The following CHAF1A variants were observed in gnomAD, a reference collection of about 807,000 sequenced individuals.
The protein encoded by CHAF1A is CAF-1 subunit A.
A neutral mutation model predicts 93.2 loss-of-function variants in CHAF1A; 5 were observed. The observed-to-expected ratio is 0.05, with a 90% CI of 0.03 to 0.11. CHAF1A has a LOEUF of 0.11. Among genes scored for constraint, CHAF1A ranks in the 10% least tolerant of loss-of-function variants. CHAF1A has a pLI of 1.00. For synonymous variants in CHAF1A, 504 were observed against 510.3 expected (o/e 0.99, Z 0.17); for missense variants, 1,102 against 1,259.9 (o/e 0.87, Z 1.90).
Position 4,408,034 on chromosome 19 carries a change from G to A in CHAF1A, c.104-869G>A, listed in dbSNP as rs536210835. 1.2e-4 allele frequency among the ~76,000 whole-genome samples: 18 copies of A among 149,732 alleles called. No individual in the cohort carries two copies. The South Asian group carries it at 3.4e-3, about 28-fold the overall frequency. ...CCCACCCCCTCTTTTTTTTTGAGAC[G>A]AGGTCCCTTTTGCCCAGGCTGCAGA... On this transcript the variant is annotated intron_variant, in intron 2 of 14. Transcript: ENST00000301280.
intron 4 of CHAF1A, among the ~76,000 whole-genome samples, chr19:4,419,449 A>G (rs575670839): frequency 6.8e-6 from 1 of 147,740 alleles, no homozygotes; most frequent in Non-Finnish European, 1.5e-5. Context: ...TTTTTTTTTT[A>G]TTGAGACACA....
intron 1 of CHAF1A, 38 bp downstream of exon 1, chr19:4,402,852 G>GGC (rs527630205): frequency 0.02 from 23,775 of 1,172,260 alleles, 299 homozygotes; most frequent in Non-Finnish European, 0.022. Flanking sequence ...GGGGGGGCGC[G>GGC]GCGCGCGGCC....
intron 13 of CHAF1A, among the ~76,000 whole-genome samples, chr19:4,439,352 G>A (rs1208687000): frequency 6.6e-6 from 1 of 152,096 alleles, no homozygotes; most frequent in Non-Finnish European, 1.5e-5. Flanking sequence ...GTCGTTAAAC[G>A]TTTTCCTGAC....
At position 4,433,163 on chromosome 19, in the gene CHAF1A, T is replaced by A. The variant is rs1974218395; in HGVS notation, c.2297T>A (p.Leu766His). 6.2e-7 allele frequency: 1 copy of A among 1,613,742 alleles called. No individual in the cohort carries two copies. Among genetic ancestry groups the A allele is most frequent in the Non-Finnish European group, 8.5e-7 (1 of 1,179,782 alleles). Reference protein sequence around the residue: ...EFQEHCRRGLLSNHTGSPRSP... With the variant: ...EFQEHCRRGLHSNHTGSPRSP... ...CAGGAGCACTGCCGCCGGGGACTGC[T>A]CAGCAACCACACCGGCAGCCCGCGG... Residue 766 changes from leucine to histidine, a missense_variant, in exon 13 of 15, where the codon CTC (leucine) becomes CAC (histidine). Leu to His is a moderately conservative substitution (Grantham distance 99). Coordinates refer to ENST00000301280, the MANE Select transcript of CHAF1A (RefSeq NM_005483.3). This position sits in a 1 kb window ranked among gnomAD's most constrained non-coding sequence, Gnocchi z 5.6.
At chr19:4,429,681 G>T (rs1428696241) in intron 9 of CHAF1A, 27 bp from the exon 10 acceptor site, 2 of 1,613,872 alleles carry the variant, frequency 1.2e-6, no homozygotes, top group Non-Finnish European at 1.7e-6. Context: ...AAAGACAGTT[G>T]TGAGTCCCAT....
At chr19:4,432,865 C>T (rs998318428) in intron 12 of CHAF1A, among the ~76,000 whole-genome samples, 6 of 152,028 alleles carry the variant, frequency 3.9e-5, no homozygotes, top group Admixed American at 3.9e-4. Flanking sequence ...GCCCTGGCAA[C>T]ACACGTGCCC....
chr19:4,432,319 A>G, intron 12 of CHAF1A, 112 bp downstream of exon 12: 5 of 1,250,430 alleles, frequency 4.0e-6, no homozygotes, highest in Non-Finnish European at 5.4e-6. Context: ...TCTTTCCACA[A>G]ATAACAGAGG....
chr19:4,446,763 C>T (rs745992034), downstream of CHAF1A: 3 of 1,611,844 alleles, frequency 1.9e-6, no homozygotes, highest in South Asian at 2.2e-5. Flanking sequence ...AATGGAGAGA[C>T]CCCCAAGCCG....
chr19:4,403,608 G>A (rs1973627447), intron 1 of CHAF1A, among the ~76,000 whole-genome samples: 1 of 152,248 alleles, frequency 6.6e-6, no homozygotes, highest in South Asian at 2.1e-4. Context: ...TCCTGGGCAC[G>A]GCACTGCAGG....
intron 3 of CHAF1A, among the ~76,000 whole-genome samples, chr19:4,415,576 G>A (rs1404503522): frequency 6.6e-6 from 1 of 152,222 alleles, no homozygotes; most frequent in Non-Finnish European, 1.5e-5. Flanking sequence ...CACAGCCTTG[G>A]CAGGCAGAGT....
At chr19:4,442,418 G>T (rs1226986913) in intron 14 of CHAF1A, 77 bp downstream of exon 14, 20 of 1,237,036 alleles carry the variant, frequency 1.6e-5, no homozygotes, top group Non-Finnish European at 2.2e-5. Flanking sequence ...AAGGGATGGG[G>T]CTGCCTAAGA....
intron 7 of CHAF1A, among the ~76,000 whole-genome samples, chr19:4,428,190 C>G (rs1038574406): frequency 6.7e-6 from 1 of 150,236 alleles, no homozygotes; most frequent in Non-Finnish European, 1.5e-5. Flanking sequence ...TGGGGTTTCA[C>G]CATGTTGGGC....
At chr19:4,414,262 A>G (rs973867441) in intron 3 of CHAF1A, among the ~76,000 whole-genome samples, 4 of 152,030 alleles carry the variant, frequency 2.6e-5, no homozygotes, top group African/African-American at 9.7e-5. Context: ...ATAGCGGGGC[A>G]TGGGGGTGCA....
chr19:4,419,748 GTTTATC>G (rs1973957799), intron 4 of CHAF1A, among the ~76,000 whole-genome samples: 1 of 152,108 alleles, frequency 6.6e-6, no homozygotes, highest in Admixed American at 6.6e-5. Context: ...TATTTTTACA[GTTTATC>G]TCATTCTTTG....
At position 4,422,778 on chromosome 19, in the gene CHAF1A, G is replaced by A. The variant is rs1974013731; in HGVS notation, c.1230G>A (p.Glu410=). 6.2e-7 allele frequency: 1 copy of A among 1,612,608 alleles called. No individual in the cohort carries two copies. The highest frequency in any genetic ancestry group is 8.5e-7 in the Non-Finnish European group (1 of 1,179,848). The change falls in exon 5 of 15, where the codon GAG becomes GAA. Residue 410 remains glutamate, a synonymous_variant. Coordinates refer to ENST00000301280, the MANE Select transcript of CHAF1A (RefSeq NM_005483.3). This position sits in a 1 kb window ranked among gnomAD's most constrained non-coding sequence, Gnocchi z 4.6. ...GGCTCAAGGAGGAGCGGCGCAAGGAGAGACAGGAAGCCCTGGAGTGAGTGT... is the reference window on the plus strand; with the variant it reads ...GGCTCAAGGAGGAGCGGCGCAAGGAAAGACAGGAAGCCCTGGAGTGAGTGT... ...KQRLKEERRK[E]RQEALEAKLE...
Position 4,409,117 on chromosome 19 carries a change from C to T in CHAF1A, c.318C>T (p.Ile106=), listed in dbSNP as rs759026569. The part of the protein sequence containing the change: ...GPLDNFLRNR[I]ETSIGQSTVI... ...TAGATAACTTTTTAAGAAATAGAAT[C>T]GAAACCAGTATTGGCCAGAGCACAG... The change falls in exon 3 of 15, where the codon ATC becomes ATT. Residue 106 remains isoleucine, a synonymous_variant. Transcript: ENST00000301280. The T allele has an allele frequency of 1.4e-5, 22 of 1,614,016 alleles. No individual in the cohort carries two copies. Among genetic ancestry groups the T allele is most frequent in the East Asian group, 4.5e-5 (2 of 44,888 alleles).
chr19:4,404,307 C>A (rs1039481536), intron 1 of CHAF1A, among the ~76,000 whole-genome samples: 2 of 152,084 alleles, frequency 1.3e-5, no homozygotes, highest in African/African-American at 4.8e-5. Flanking sequence ...GGGAGTGTCC[C>A]GTTTTATATA....
intron 13 of CHAF1A, among the ~76,000 whole-genome samples, chr19:4,435,267 T>C (rs961788277): frequency 3.3e-5 from 5 of 150,928 alleles, no homozygotes; most frequent in African/African-American, 1.2e-4. Flanking sequence ...ATTTTTTGTA[T>C]TTTTAGTAGA....
chr19:4,407,273 C>A (rs2145063437), intron 2 of CHAF1A, among the ~76,000 whole-genome samples: 1 of 141,060 alleles, frequency 7.1e-6, no homozygotes, highest in Admixed American at 7.4e-5. Flanking sequence ...TTTATTTGGT[C>A]TATTACATGA....
Sources: gnomAD v4.1 joint callset for allele counts (sites outside exome capture counted in the v4.1 genomes callset) on GRCh38, gnomAD v4.1.1 for gene constraint, Gnocchi (gnomAD v3.1) non-coding constraint, MANE v1.5 for transcripts, NCBI Gene and HGNC (gene_info 2026-07-23, HGNC 2026-07-21) for gene names.